ARMH4: variants seen among roughly 807,000 people sequenced by gnomAD.
The protein encoded by ARMH4 is armadillo-like helical domain-containing protein 4.
A neutral mutation model predicts 61.9 loss-of-function variants in ARMH4; 49 were observed. The observed-to-expected ratio is 0.79, with a 90% CI of 0.63 to 1.00. The LOEUF is 1.00. Ranked by LOEUF, ARMH4 falls within the 50% of genes least tolerant of loss-of-function variation. The pLI is 0.00. For synonymous variants in ARMH4, 368 were observed against 341.5 expected, an observed-to-expected ratio of 1.08 and a Z score of -0.85; for missense variants, 934 against 930.0, an observed-to-expected ratio of 1.00 and a Z score of -0.06.
Position 58,096,932 on chromosome 14 carries a change from TTCTTCA to T in ARMH4, c.1875_1880del (p.Asp625_Glu626del), listed in dbSNP as rs754863591. On this transcript the variant is annotated inframe_deletion, in exon 5 of 8. Coordinates refer to ENST00000267485, the MANE Select transcript of ARMH4 (RefSeq NM_001001872.4). ...CCTCATCTTCTTCCTCATCTTCCTC[TTCTTCA>T]TCTTCATCTTCTTCATCCTCTTCAT... 19 of 1,613,092 alleles carry T rather than the reference TTCTTCA, an allele frequency of 1.2e-5. No homozygotes were observed. The African/African-American group carries it at 1.3e-4, about 11-fold the overall frequency.
chr14:58,124,071 A>G (rs1886818825), intron 4 of ARMH4, among the ~76,000 whole-genome samples: 1 of 152,206 alleles, frequency 6.6e-6, no homozygotes, highest in Non-Finnish European at 1.5e-5. Context: ...AAAGCAACTA[A>G]GAGGGTTCCT....
rs767779036 is a variant in ARMH4, at chr14:58,138,389, G to C, written c.970C>G (p.Arg324Gly). The change falls in exon 2 of 8, where the codon CGG (arginine) becomes GGG (glycine). Residue 324 changes from arginine (R) to glycine (G), a missense_variant. Coordinates refer to ENST00000267485, the MANE Select transcript of ARMH4 (RefSeq NM_001001872.4). Reference protein sequence around the residue: ...WDDTKLESVSRIRTPKLGDNE... With the variant: ...WDDTKLESVSGIRTPKLGDNE... ...TCTCCAAGCTTGGGGGTCCTTATCC[G>C]GCTTACACTCTCTAATTTGGTGTCA... The C allele has an allele frequency of 1.9e-6, 3 of 1,614,132 alleles. No homozygotes were observed. The highest frequency in any genetic ancestry group is 2.5e-6 in the Non-Finnish European group (3 of 1,180,052).
chr14:58,008,344 T>C (rs1882263558), intron 6 of ARMH4, among the ~76,000 whole-genome samples: 1 of 152,220 alleles, frequency 6.6e-6, no homozygotes, highest in Non-Finnish European at 1.5e-5. Flanking sequence ...AGGAATGTTC[T>C]TTGCACCATT....
chr14:58,078,265 T>C (rs1172201697), intron 5 of ARMH4, among the ~76,000 whole-genome samples: 19 of 152,168 alleles, frequency 1.2e-4, no homozygotes, highest in Admixed American at 1.2e-3. Context: ...CCTGCACTAG[T>C]TTAATAATCT....
chr14:58,092,644 G>A (rs1885609591), intron 5 of ARMH4, among the ~76,000 whole-genome samples: 1 of 152,074 alleles, frequency 6.6e-6, no homozygotes, highest in South Asian at 2.1e-4. Context: ...GCTTCTAGAG[G>A]CTGACAGCAT....
chr14:58,102,200 T>C (rs1282466020), intron 4 of ARMH4, among the ~76,000 whole-genome samples: 1 of 152,118 alleles, frequency 6.6e-6, no homozygotes, highest in African/African-American at 2.4e-5. Flanking sequence ...TTTTAAAATA[T>C]CCCTCAGGCT....
chr14:58,133,426 G>A, intron 2 of ARMH4, 85 bp from the exon 3 acceptor site: 3 of 1,331,162 alleles, frequency 2.3e-6, no homozygotes, highest in Non-Finnish European at 3.1e-6. Context: ...AAAACTTGGG[G>A]GGAGGGGAGC....
At chr14:58,093,733 T>C (rs1426931868) in intron 5 of ARMH4, among the ~76,000 whole-genome samples, 1 of 152,114 alleles carries the variant, frequency 6.6e-6, no homozygotes, top group Non-Finnish European at 1.5e-5. Flanking sequence ...TTCCTGTCCT[T>C]CCGAGAAAAG....
rs745935676 is a variant in ARMH4, at chr14:58,004,569, C to A, written c.*167G>T. Reference sequence around the variant, plus strand: ...CATGATACGTTTAGTATACAACATGCCATTTCTGCTCAGTACAAGAAAAAT... The same window carrying A: ...CATGATACGTTTAGTATACAACATGACATTTCTGCTCAGTACAAGAAAAAT... On this transcript the variant is annotated 3_prime_UTR_variant, in exon 8 of 8. Coordinates refer to ENST00000267485, the MANE Select transcript of ARMH4 (RefSeq NM_001001872.4). The A allele has an allele frequency of 2.5e-5, 15 of 589,816 alleles. No individual in the cohort carries two copies. The highest frequency in any genetic ancestry group is 1.1e-4 in the Admixed American group (4 of 36,442). The allele number at this position is 589,816 out of a possible 1,614,324, so 36.5% of individuals were successfully genotyped here.
At chr14:58,027,626 A>T (rs759192628) in intron 5 of ARMH4, among the ~76,000 whole-genome samples, 14 of 147,714 alleles carry the variant, frequency 9.5e-5, no homozygotes, top group Admixed American at 1.4e-4. Flanking sequence ...ATTAACATCT[A>T]CACAGTTACC....
intron 5 of ARMH4, among the ~76,000 whole-genome samples, chr14:58,043,531 T>A (rs1883806385): frequency 6.6e-6 from 1 of 152,202 alleles, no homozygotes; most frequent in Non-Finnish European, 1.5e-5. Context: ...AGCATTCCCT[T>A]TGAAAACTGG....
At chr14:58,105,324 G>GTTTT (rs553929891) in intron 4 of ARMH4, among the ~76,000 whole-genome samples, 145 of 152,222 alleles carry the variant, frequency 9.5e-4, no homozygotes, top group African/African-American at 3.5e-3. Flanking sequence ...TGGGGTCAAG[G>GTTTT]TAAAAGACAC....
intron 5 of ARMH4, among the ~76,000 whole-genome samples, chr14:58,015,754 T>A (rs928311063): frequency 8.8e-5 from 12 of 136,256 alleles, no homozygotes; most frequent in Non-Finnish European, 1.6e-4. Flanking sequence ...TATTTTTAGT[T>A]AAAAAAAAAA....
chr14:58,077,643 C>T (rs576886701), intron 5 of ARMH4, among the ~76,000 whole-genome samples: 2 of 152,238 alleles, frequency 1.3e-5, no homozygotes, highest in African/African-American at 4.8e-5. Context: ...AGTGGATGCA[C>T]TGGCTGGCAA....
chr14:58,013,312 T>G (rs1340864093), intron 5 of ARMH4, among the ~76,000 whole-genome samples: 1 of 152,248 alleles, frequency 6.6e-6, no homozygotes, highest in Non-Finnish European at 1.5e-5. Flanking sequence ...CAATAAACTT[T>G]ATTTATGGAT....
At chr14:58,012,783 A>G (rs1365975054) in intron 5 of ARMH4, among the ~76,000 whole-genome samples, 2 of 152,256 alleles carry the variant, frequency 1.3e-5, no homozygotes, top group Non-Finnish European at 2.9e-5. Context: ...AAGCCAACTG[A>G]AAAAGGCTGA....
chr14:58,148,156 C>G (rs1315235112), intron 1 of ARMH4, among the ~76,000 whole-genome samples: 1 of 152,164 alleles, frequency 6.6e-6, no homozygotes, highest in Non-Finnish European at 1.5e-5. Context: ...AAGCAATTCT[C>G]CTGCCTCAGC....
At position 58,138,646 on chromosome 14, in the gene ARMH4, C is replaced by G. The variant is rs919709055; in HGVS notation, c.713G>C (p.Gly238Ala). The G allele has an allele frequency of 2.5e-6, 4 of 1,614,146 alleles. No individual in the cohort carries two copies. The highest frequency in any genetic ancestry group is 1.7e-5 in the Admixed American group (1 of 60,026). ...CTCACTGCCTGCTGTGGACTCAGCA[C>G]CAGGAAAAGAAGTTGTCCTGTGGTC... ...DTDHRTTSFP[G>A]AESTAGSEPG... is the part of the protein sequence containing the mutation. Residue 238 changes from glycine (G) to alanine (A), a missense_variant, in exon 2 of 8, where the codon GGT (glycine) becomes GCT (alanine). Transcript: ENST00000267485.
intron 1 of ARMH4, among the ~76,000 whole-genome samples, chr14:58,141,072 T>G (rs1887532407): frequency 6.6e-6 from 1 of 152,112 alleles, no homozygotes; most frequent in African/African-American, 2.4e-5. Context: ...AATAAACTTC[T>G]GTTGTTTATA....
Sources: allele counts gnomAD v4.1 joint callset (sites outside exome capture counted in the v4.1 genomes callset), GRCh38; gene constraint gnomAD v4.1.1; transcripts MANE v1.5; gene names NCBI Gene and HGNC (gene_info 2026-07-23, HGNC 2026-07-21).